CSMD2: variants seen among roughly 807,000 people sequenced by gnomAD.
CSMD2 encodes CUB and Sushi multiple domains 2.
A neutral mutation model predicts 398.5 loss-of-function variants in CSMD2; 130 were observed. The observed-to-expected ratio is 0.33, with a 90% CI of 0.28 to 0.38. CSMD2 has a LOEUF of 0.38. CSMD2 is among the 10% of genes least tolerant of loss of function. The probability of loss-of-function intolerance (pLI) is 1.00; values close to 1 mark genes in which losing one functional copy is unlikely to be tolerated. For synonymous variants in CSMD2, 1,828 were observed against 1,908.5 expected, an observed-to-expected ratio of 0.96 and a Z score of 1.10; for missense variants, 3,829 against 4,764.9, an observed-to-expected ratio of 0.80 and a Z score of 5.78.
chr1:33,854,872 G>T (rs560683445), intron 5 of CSMD2, among the ~76,000 whole-genome samples: 2 of 152,306 alleles, frequency 1.3e-5, no homozygotes, highest in East Asian at 3.9e-4. Flanking sequence ...CGGGATGAGG[G>T]CTTCCTCACC....
chr1:33,891,601 T>G (rs60439737), intron 5 of CSMD2, among the ~76,000 whole-genome samples: 97,332 of 151,172 alleles, frequency 0.64, 32,246 homozygotes, highest in East Asian at 0.85. Context: ...CATGCACACG[T>G]ATGTTTATTG....
chr1:33,591,269 T>A (rs1174316013), intron 44 of CSMD2, among the ~76,000 whole-genome samples: 1 of 152,188 alleles, frequency 6.6e-6, no homozygotes. Flanking sequence ...ATTATAGGCG[T>A]GAGCCACCAT....
chr1:33,676,225 A>C (rs1265979044), intron 25 of CSMD2, among the ~76,000 whole-genome samples: 2 of 152,224 alleles, frequency 1.3e-5, no homozygotes, highest in Admixed American at 1.3e-4. Context: ...ATCTCAGCCC[A>C]AAATCTCCTT....
At position 33,709,153 on chromosome 1, in the gene CSMD2, T is replaced by C; in HGVS notation, c.3512A>G (p.Gln1171Arg). 1 of 1,614,166 alleles carries C rather than the reference T, an allele frequency of 6.2e-7. No individual in the cohort carries two copies. Among genetic ancestry groups the C allele is most frequent in the Non-Finnish European group, 8.5e-7 (1 of 1,179,990 alleles). The change falls in exon 22 of 71, where the codon CAG becomes CGG. Residue 1171 changes from glutamine to arginine, a missense_variant. This residue lies in a region of CSMD2 where 2,001 missense variants were observed against 2,567.1 expected (regional missense o/e 0.78). Transcript: ENST00000373381. ...NHECIYSIQT[Q>R]PGKGIQLKAR... ...TTTCAGCTGAATTCCCTTCCCTGGCTGGGTCTGGATGGAGTAGATGCATTC... is the reference window on the plus strand; with the variant it reads ...TTTCAGCTGAATTCCCTTCCCTGGCCGGGTCTGGATGGAGTAGATGCATTC...
intron 29 of CSMD2, among the ~76,000 whole-genome samples, chr1:33,643,431 C>G (rs1168431981): frequency 6.6e-6 from 1 of 152,200 alleles, no homozygotes; most frequent in Non-Finnish European, 1.5e-5. Flanking sequence ...AACAAAGGCA[C>G]AACAAATGCA....
At chr1:33,710,399 CTGAATGAATGAATGAA>C (rs10632721) in intron 21 of CSMD2, among the ~76,000 whole-genome samples, 1 of 151,820 alleles carries the variant, frequency 6.6e-6, no homozygotes. Flanking sequence ...TAAATATTTA[CTGAATGAATGAATGAA>C]TGAATGAATG....
intron 1 of CSMD2, among the ~76,000 whole-genome samples, chr1:34,095,690 C>T (rs1371073903): frequency 1.3e-5 from 2 of 151,614 alleles, no homozygotes; most frequent in African/African-American, 4.9e-5. Flanking sequence ...GACACATACA[C>T]TCTCCCAAGA....
chr1:34,149,362 G>C (rs1204883526), intron 1 of CSMD2, among the ~76,000 whole-genome samples: 1 of 152,112 alleles, frequency 6.6e-6, no homozygotes, highest in Non-Finnish European at 1.5e-5. Flanking sequence ...TCATCTCCCG[G>C]CTGGCTGGCC....
upstream of CSMD2, among the ~76,000 whole-genome samples, chr1:34,165,582 CCA>C (rs373165115): frequency 5.1e-3 from 764 of 150,120 alleles, 42 homozygotes; most frequent in East Asian, 0.1. Flanking sequence ...ACCCCCCTCT[CCA>C]CACACACACA....
chr1:34,165,741 T>C (rs757413607), upstream of CSMD2: 1 of 1,613,776 alleles, frequency 6.2e-7, no homozygotes, highest in Non-Finnish European at 8.5e-7. Context: ...AAGTCTTGGC[T>C]CTTACCAGCT....
At chr1:34,144,745 T>G (rs1241057010) in intron 1 of CSMD2, among the ~76,000 whole-genome samples, 2 of 152,132 alleles carry the variant, frequency 1.3e-5, no homozygotes, top group East Asian at 3.9e-4. Context: ...GAGGGGGTGT[T>G]GAGGGTGTAG....
Position 34,136,433 on chromosome 1 carries a change from G to A in CSMD2, c.187+28478C>T, listed in dbSNP as rs9919171. Among the ~76,000 whole-genome samples the A allele has an allele frequency of 1.8e-3, 272 of 152,278 alleles. 1 individual carries two copies. Among genetic ancestry groups the A allele is most frequent in the African/African-American group, 6.1e-3 (255 of 41,560 alleles). ...TGTGAGTGTGAACGCCAGTGTGGAC[G>A]TATCCCATATTTGCAGATCAGAGAT... On this transcript the variant is annotated intron_variant, in intron 1 of 70. Transcript: ENST00000373381.
chr1:33,989,473 A>C (rs1646476622), intron 3 of CSMD2, among the ~76,000 whole-genome samples: 1 of 152,200 alleles, frequency 6.6e-6, no homozygotes. Flanking sequence ...CATTCCTAAG[A>C]ATTTACCCAG....
intron 15 of CSMD2, among the ~76,000 whole-genome samples, chr1:33,728,523 T>C (rs538159600): frequency 3.3e-5 from 5 of 152,296 alleles, no homozygotes; most frequent in African/African-American, 1.2e-4. Flanking sequence ...CATGCATTTA[T>C]GAAGTTATTA....
chr1:33,921,276 G>C (rs1171481857), intron 4 of CSMD2, among the ~76,000 whole-genome samples: 2 of 152,210 alleles, frequency 1.3e-5, no homozygotes, highest in Non-Finnish European at 2.9e-5. Flanking sequence ...GTTTTATCAA[G>C]TTGCACAGTA....
chr1:33,717,911 T>A (rs1291885698), intron 19 of CSMD2, among the ~76,000 whole-genome samples: 2 of 151,996 alleles, frequency 1.3e-5, no homozygotes, highest in Non-Finnish European at 2.9e-5. Flanking sequence ...ATCAAAGTAA[T>A]GATATTCATT....
intron 64 of CSMD2, among the ~76,000 whole-genome samples, chr1:33,527,834 C>T (rs528274967): frequency 1.6e-4 from 24 of 150,412 alleles, no homozygotes; most frequent in African/African-American, 5.1e-4. Flanking sequence ...GAAAACTTTG[C>T]GGAGGCTGAG....
intron 3 of CSMD2, among the ~76,000 whole-genome samples, chr1:34,026,441 A>G (rs1169136297): frequency 6.6e-6 from 1 of 152,250 alleles, no homozygotes; most frequent in Non-Finnish European, 1.5e-5. Context: ...TGAGATGTCC[A>G]GATCACAGTT....
chr1:33,562,435 A>G (rs1658656631), intron 53 of CSMD2, among the ~76,000 whole-genome samples: 1 of 152,160 alleles, frequency 6.6e-6, no homozygotes, highest in South Asian at 2.1e-4. Flanking sequence ...AGAGGCTCTG[A>G]GCATTCTAGA....
Sources: allele counts gnomAD v4.1 joint callset (sites outside exome capture counted in the v4.1 genomes callset), GRCh38; gene constraint gnomAD v4.1.1; regional missense constraint gnomAD v4.1.1; transcripts MANE v1.5; gene names NCBI Gene and HGNC (gene_info 2026-07-23, HGNC 2026-07-21).